The following MCMBP variants were observed in gnomAD, a reference collection of about 807,000 sequenced individuals.
The protein encoded by MCMBP is minichromosome maintenance complex binding protein.
Under a neutral mutation model 81.3 loss-of-function variants are expected in MCMBP, and 31 were observed. The ratio of observed to expected loss-of-function variants is 0.38; its 90% CI spans 0.29 to 0.51. The LOEUF (loss-of-function observed/expected upper bound fraction) is 0.51, where lower values mean the gene tolerates loss of function less well. Ranked by LOEUF, MCMBP falls within the 20% of genes least tolerant of loss-of-function variation. The pLI, the probability that MCMBP is intolerant of heterozygous loss-of-function variation, is 0.87. For missense variants in MCMBP, 645 were observed against 772.1 expected, an observed-to-expected ratio of 0.84 and a Z score of 1.95; for synonymous variants, 267 against 275.9, an observed-to-expected ratio of 0.97 and a Z score of 0.32.
chr10:119,847,775 T>A, intron 7 of MCMBP, 62 bp from the exon 8 acceptor site: 1 of 908,390 alleles, frequency 1.1e-6, no homozygotes, highest in South Asian at 1.6e-5. Flanking sequence ...GATATTAGTC[T>A]TGAAGTACCA....
In MCMBP at chr10:119,833,896, AAGAG is replaced by A. The variant is rs565707560; in HGVS notation, c.1707+1640_1707+1643del. On this transcript the variant is annotated intron_variant, in intron 14 of 15. Coordinates refer to ENST00000369077, the MANE Select transcript of MCMBP (RefSeq NM_001256378.2). ...TCACCAAATAGAGAGTATCAATAAA[AAGAG>A]AGAAATAATTTTTTAGAAGAAGGAA... 2.9e-3 allele frequency among the ~76,000 whole-genome samples: 435 copies of A among 152,348 alleles called. 3 individuals are homozygous for A. The highest frequency in any genetic ancestry group is 0.01 in the African/African-American group (416 of 41,594).
intron 8 of MCMBP, among the ~76,000 whole-genome samples, chr10:119,845,563 C>A (rs1295122444): frequency 1.3e-5 from 2 of 152,008 alleles, no homozygotes; most frequent in Non-Finnish European, 2.9e-5. Flanking sequence ...CCTAAGGAGG[C>A]TGGGTGGGAA....
At chr10:119,845,493 G>A (rs192661914) in intron 8 of MCMBP, among the ~76,000 whole-genome samples, 5 of 152,210 alleles carry the variant, frequency 3.3e-5, no homozygotes, top group East Asian at 1.9e-4. Context: ...AAATGTATAC[G>A]TATCTTCATA....
chr10:119,869,908 G>A (rs1443237756), intron 1 of MCMBP, among the ~76,000 whole-genome samples: 2 of 152,176 alleles, frequency 1.3e-5, no homozygotes, highest in African/African-American at 4.8e-5. Flanking sequence ...CTGATGTTAG[G>A]AATATGCTAG....
chr10:119,862,190 C>A (rs1853281727), intron 1 of MCMBP, among the ~76,000 whole-genome samples: 1 of 152,084 alleles, frequency 6.6e-6, no homozygotes, highest in Non-Finnish European at 1.5e-5. Flanking sequence ...GCCTGTAATC[C>A]CAGCTACTTG....
At chr10:119,868,352 G>A (rs1475789492) in intron 1 of MCMBP, among the ~76,000 whole-genome samples, 1 of 152,210 alleles carries the variant, frequency 6.6e-6, no homozygotes, top group East Asian at 1.9e-4. Context: ...CTTGAACCCA[G>A]AAGGCGGAGG....
At chr10:119,837,529 A>G (rs190115313) in intron 12 of MCMBP, among the ~76,000 whole-genome samples, 26 of 152,280 alleles carry the variant, frequency 1.7e-4, no homozygotes, top group Admixed American at 1.3e-3. Flanking sequence ...TTGTGATTTT[A>G]TAATATATTC....
Position 119,872,616 on chromosome 10 carries a change from G to A in MCMBP, c.-32C>T. On this transcript the variant is annotated 5_prime_UTR_variant, in exon 1 of 16. Coordinates refer to ENST00000369077, the MANE Select transcript of MCMBP (RefSeq NM_001256378.2). ...AGGGGCCGGGGCCGGCGAAGACCGG[G>A]CGGAGGCGATCCGCGGGCCGAGCGC... The A allele has an allele frequency of 8.7e-7, 1 of 1,150,690 alleles. No homozygotes were observed. The highest frequency in any genetic ancestry group is 1.1e-6 in the Non-Finnish European group (1 of 928,762). The allele number at this position is 1,150,690 out of a possible 1,614,324, so 71.3% of individuals were successfully genotyped here. A position where few individuals can be genotyped will look rare whatever the true frequency, so the allele number is the denominator to read the frequency against.
At position 119,858,901 on chromosome 10, in the gene MCMBP, C is replaced by T. The variant is rs1283197129; in HGVS notation, c.310G>A (p.Asp104Asn). 2 of 1,610,946 alleles carry T rather than the reference C, an allele frequency of 1.2e-6. No individual in the cohort carries two copies. The highest frequency in any genetic ancestry group is 3.3e-5 in the Admixed American group (2 of 59,830). ...AHVLHFGKYR[D>N]VAECGPQQEL... ...ATACATACCCCACACTCTGCTACAT[C>T]TCTATATTTTCCAAAATGAAGAACC... Residue 104 changes from aspartate (D) to asparagine (N), a missense_variant, in exon 4 of 16, where the codon GAT (aspartate) becomes AAT (asparagine). Physicochemically the swap from Asp to Asn is conservative, Grantham distance 23. Coordinates refer to ENST00000369077, the MANE Select transcript of MCMBP (RefSeq NM_001256378.2).
At chr10:119,859,993 T>G in intron 1 of MCMBP, 109 bp from the exon 2 acceptor site, 1 of 736,538 alleles carries the variant, frequency 1.4e-6, no homozygotes, top group Non-Finnish European at 2.2e-6. Flanking sequence ...AAACTAAAAT[T>G]AGCTACTATG....
At chr10:119,848,349 C>G (rs1341498001) in intron 7 of MCMBP, among the ~76,000 whole-genome samples, 1 of 152,080 alleles carries the variant, frequency 6.6e-6, no homozygotes, top group African/African-American at 2.4e-5. Context: ...CAGTGGCTCA[C>G]CCCTGGAATC....
intron 10 of MCMBP, among the ~76,000 whole-genome samples, chr10:119,841,726 T>C (rs1348108024): frequency 6.6e-6 from 1 of 152,234 alleles, no homozygotes; most frequent in African/African-American, 2.4e-5. Context: ...TCTTGGAACT[T>C]GTCAAAGGCC....
intron 1 of MCMBP, among the ~76,000 whole-genome samples, chr10:119,866,831 C>G: frequency 6.6e-6 from 1 of 151,440 alleles, no homozygotes; most frequent in South Asian, 2.1e-4. Flanking sequence ...GGTGTGGTGG[C>G]AGGCGCCTGT....
chr10:119,849,366 T>TA, intron 7 of MCMBP, 59 bp downstream of exon 7: 2 of 1,547,514 alleles, frequency 1.3e-6, no homozygotes, highest in Non-Finnish European at 1.7e-6. Flanking sequence ...GCTCAGACAC[T>TA]AAGCTACTTT....
At chr10:119,860,394 T>C (rs1019982916) in intron 1 of MCMBP, among the ~76,000 whole-genome samples, 5 of 152,234 alleles carry the variant, frequency 3.3e-5, no homozygotes, top group African/African-American at 9.6e-5. Flanking sequence ...CTCCATCTCA[T>C]ATTTTTTCTG....
intron 11 of MCMBP, among the ~76,000 whole-genome samples, chr10:119,839,045 G>T (rs899195944): frequency 4.0e-5 from 6 of 151,584 alleles, no homozygotes; most frequent in African/African-American, 1.5e-4. Context: ...CTAGCAAAAA[G>T]AAAATGTTAA....
Position 119,830,673 on chromosome 10 carries a change from T to C in MCMBP, c.*801A>G, listed in dbSNP as rs544797616. 1 of 152,744 alleles carries C rather than the reference T, an allele frequency of 6.5e-6. No homozygotes were observed. The highest frequency in any genetic ancestry group is 2.1e-4 in the South Asian group (1 of 4,832). 9.5% of individuals were successfully genotyped at this position (152,744 alleles called of 1,614,324 possible). A position where few individuals can be genotyped will look rare whatever the true frequency, so the allele number is the denominator to read the frequency against. On this transcript the variant is annotated 3_prime_UTR_variant, in exon 16 of 16. Coordinates refer to ENST00000369077, the MANE Select transcript of MCMBP (RefSeq NM_001256378.2). Reference sequence around the variant, plus strand: ...AGACAATGTAGTGTCTTGGTTTCTTTTGCCCCCAAAAGCCACATTCATTCC... The same window carrying C: ...AGACAATGTAGTGTCTTGGTTTCTTCTGCCCCCAAAAGCCACATTCATTCC...
chr10:119,860,483 G>C (rs1853213231), intron 1 of MCMBP, among the ~76,000 whole-genome samples: 1 of 151,998 alleles, frequency 6.6e-6, no homozygotes, highest in Admixed American at 6.6e-5. Context: ...ACTAACCATA[G>C]TACTGTTATC....
chr10:119,842,623 G>C, intron 9 of MCMBP, 28 bp from the exon 10 acceptor site: 1 of 1,606,068 alleles, frequency 6.2e-7, no homozygotes, highest in African/African-American at 1.3e-5. Flanking sequence ...ACCTGAGTCA[G>C]GACACACACT....
Sources: gnomAD v4.1 joint callset for allele counts (sites outside exome capture counted in the v4.1 genomes callset) on GRCh38, gnomAD v4.1.1 for gene constraint, MANE v1.5 for transcripts, NCBI Gene and HGNC (gene_info 2026-07-23, HGNC 2026-07-21) for gene names.